The following ESR1 variants were observed in gnomAD, a reference collection of about 807,000 sequenced individuals.
ESR1 encodes the protein estrogen receptor 1.
In ESR1, 12 loss-of-function variants were observed where a neutral mutation model predicts 52.7. The observed-to-expected ratio is 0.23, with a 90% confidence interval of 0.15 to 0.37. The LOEUF is 0.37. ESR1 is among the 10% of genes least tolerant of loss of function. ESR1 has a pLI of 1.00. For synonymous variants in ESR1, 305 were observed against 316.8 expected, an observed-to-expected ratio of 0.96 and a Z score of 0.39; for missense variants, 584 against 779.7, an observed-to-expected ratio of 0.75 and a Z score of 2.99.
intron 5 of ESR1, among the ~76,000 whole-genome samples, chr6:152,031,818 C>T (rs1212954395): frequency 1.3e-5 from 2 of 152,168 alleles, no homozygotes; most frequent in African/African-American, 4.8e-5. Flanking sequence ...GATACCAAAG[C>T]CTGGCAGAGA....
chr6:151,924,511 G>A (rs2032328891), intron 3 of ESR1, among the ~76,000 whole-genome samples: 1 of 151,934 alleles, frequency 6.6e-6, no homozygotes, highest in Admixed American at 6.6e-5. Flanking sequence ...CAGGGGTTTG[G>A]TGTACAGATC....
rs1268600884 is a variant in ESR1 at position 151,756,227 on chromosome 6, T to C, written c.-70-51616T>C. ...CCTCCCCATGTACATTTTACTCCCTTACTAAATTTTTTTTCCTATCTCACT... is the reference window on the plus strand; with the variant it reads ...CCTCCCCATGTACATTTTACTCCCTCACTAAATTTTTTTTCCTATCTCACT... On this transcript the variant is annotated intron_variant, in intron 2 of 2. Transcript: ENST00000404742. Among the ~76,000 whole-genome samples, 2 of 152,104 alleles carry C rather than the reference T, an allele frequency of 1.3e-5. 1 individual carries two copies. The highest frequency in any genetic ancestry group is 2.9e-5 in the Non-Finnish European group (2 of 68,008).
intron 5 of ESR1, among the ~76,000 whole-genome samples, chr6:152,020,736 C>G (rs1261923186): frequency 6.6e-6 from 1 of 152,174 alleles, no homozygotes; most frequent in African/African-American, 2.4e-5. Flanking sequence ...CAGGTGTGAG[C>G]CACCACACCT....
rs35630684 is a variant in ESR1 at position 151,944,523 on chromosome 6, C to T, written c.1096+15C>T. The T allele has an allele frequency of 9.4e-4, 1,517 of 1,611,316 alleles. 13 individuals carry two copies. The African/African-American group carries it at 0.015, about 16-fold the overall frequency. ...GAGGGTGCCAGGTAAGAATGCGAAGCGCAGCTTTTAAGAGTCAATAGCTTT... is the reference window on the plus strand; with the variant it reads ...GAGGGTGCCAGGTAAGAATGCGAAGTGCAGCTTTTAAGAGTCAATAGCTTT... On this transcript the variant is annotated intron_variant, in intron 4 of 7. Coordinates refer to ENST00000206249, the MANE Select transcript of ESR1 (RefSeq NM_000125.4).
intron 3 of ESR1, among the ~76,000 whole-genome samples, chr6:151,893,859 T>A: frequency 6.6e-6 from 1 of 152,188 alleles, no homozygotes; most frequent in East Asian, 1.9e-4. Context: ...ATGGGAACCA[T>A]AAAGGATCTT....
At chr6:151,915,326 G>A (rs995381067) in intron 3 of ESR1, among the ~76,000 whole-genome samples, 1 of 152,104 alleles carries the variant, frequency 6.6e-6, no homozygotes, top group Admixed American at 6.6e-5. Context: ...CTCCATCTAT[G>A]TGTCTCTGTG....
At chr6:151,773,710 C>T (rs553100624) in intron 2 of ESR1, among the ~76,000 whole-genome samples, 24 of 152,330 alleles carry the variant, frequency 1.6e-4, no homozygotes, top group African/African-American at 5.3e-4. Context: ...CTGACATCTT[C>T]TCTTTTTCAC....
intron 3 of ESR1, among the ~76,000 whole-genome samples, chr6:151,899,069 G>GCGGGGGGC (rs1796064510): frequency 6.8e-6 from 1 of 146,818 alleles, no homozygotes; most frequent in African/African-American, 2.5e-5. Context: ...GGCTGGCCGG[G>GCGGGGGGC]TGGGGGGCTG....
intron 2 of ESR1, among the ~76,000 whole-genome samples, chr6:151,726,019 G>A (rs746605550): frequency 2.0e-5 from 3 of 152,168 alleles, no homozygotes; most frequent in Non-Finnish European, 2.9e-5. Context: ...CAAAAATAAA[G>A]AGGTGGAAAA....
rs10624912 is a variant in ESR1 at position 151,736,375 on chromosome 6, G to GTTTTTTTTTTTTTTTTTTTTTT, written c.-71+34385_-71+34386insTTTTTTTTTTTTTTTTTTTTTT. Among the ~76,000 whole-genome samples the GTTTTTTTTTTTTTTTTTTTTTT allele has an allele frequency of 2.1e-3, 236 of 112,668 alleles. 36 individuals carry two copies. Among genetic ancestry groups the GTTTTTTTTTTTTTTTTTTTTTT allele is most frequent in the African/African-American group, 8.5e-3 (223 of 26,126 alleles). The allele number at this position is 112,668 out of a possible 152,430, so 73.9% of individuals were successfully genotyped here. On this transcript the variant is annotated intron_variant, in intron 2 of 2. Coordinates refer to the ESR1 transcript ENST00000404742. Reference sequence around the variant, plus strand: ...AAATACTTACTGTATTCCAGGTAGTGTTTTTTTTTTTTTTTGAGATGGAGT... The same window carrying GTTTTTTTTTTTTTTTTTTTTTT: ...AAATACTTACTGTATTCCAGGTAGTGTTTTTTTTTTTTTTTTTTTTTTTTTTTTTTTTTTTTTGAGATGGAGT...
At chr6:151,970,318 G>A (rs764590087) in intron 4 of ESR1, among the ~76,000 whole-genome samples, 17 of 151,994 alleles carry the variant, frequency 1.1e-4, no homozygotes, top group South Asian at 4.2e-4. Flanking sequence ...TCTTTCTGTC[G>A]TAGCATACAA....
intron 3 of ESR1, among the ~76,000 whole-genome samples, chr6:151,899,133 C>A (rs1451598976): frequency 1.5e-5 from 2 of 136,496 alleles, no homozygotes; most frequent in Non-Finnish European, 3.1e-5. Context: ...GGGCTGACCC[C>A]CCCGCCTCCC....
At chr6:152,129,411 T>C (rs2054695034) in exon 7 of ESR1, 1 of 152,214 alleles carries the variant, frequency 6.6e-6, no homozygotes, top group Non-Finnish European at 1.5e-5. Context: ...AGATGGACTA[T>C]ATAACACAAT....
In ESR1 at chr6:152,069,515, C is replaced by T. The variant is rs754577546; in HGVS notation, c.1369+8391C>T. 5.1e-5 allele frequency among the ~76,000 whole-genome samples: 7 copies of T among 136,370 alleles called. 1 individual carries two copies. Among genetic ancestry groups the T allele is most frequent in the African/African-American group, 9.8e-5 (3 of 30,508 alleles). 89.5% of individuals were successfully genotyped at this position (136,370 alleles called of 152,430 possible). On this transcript the variant is annotated intron_variant, in intron 6 of 7. Coordinates refer to ENST00000206249, the MANE Select transcript of ESR1 (RefSeq NM_000125.4). ...GCTGTCAGAAAGTGAGCTATTGCAG[C>T]GGTCCCCAACCTTTTTGGTACCAGG... is the stretch of plus-strand genomic sequence containing the variant.
chr6:151,881,518 G>T (rs1213966852), intron 3 of ESR1, among the ~76,000 whole-genome samples: 1 of 152,110 alleles, frequency 6.6e-6, no homozygotes, highest in Non-Finnish European at 1.5e-5. Context: ...CATAAATGTG[G>T]TTGCCTGATT....
chr6:151,781,154 A>G (rs1402026525), intron 2 of ESR1, among the ~76,000 whole-genome samples: 1 of 152,248 alleles, frequency 6.6e-6, no homozygotes, highest in African/African-American at 2.4e-5. Flanking sequence ...AAATATATTA[A>G]TTAATTTATC....
At chr6:152,022,172 T>G (rs917273635) in intron 5 of ESR1, among the ~76,000 whole-genome samples, 4 of 152,120 alleles carry the variant, frequency 2.6e-5, no homozygotes, top group African/African-American at 9.7e-5. Flanking sequence ...GGCCTGTGGA[T>G]TGAGCCACCT....
chr6:151,710,983 C>T (rs751262515), intron 2 of ESR1, among the ~76,000 whole-genome samples: 83 of 152,136 alleles, frequency 5.5e-4, no homozygotes, highest in Non-Finnish European at 8.4e-4. Context: ...CAAGTCTTTG[C>T]TATTGTGAAT....
intron 1 of ESR1, among the ~76,000 whole-genome samples, chr6:151,674,076 C>A (rs1390177005): frequency 2.6e-5 from 4 of 151,948 alleles, no homozygotes; most frequent in Non-Finnish European, 5.9e-5. Flanking sequence ...AGGTTTGTTA[C>A]ATAGGTATAC....
Sources: allele counts gnomAD v4.1 joint callset (sites outside exome capture counted in the v4.1 genomes callset), GRCh38; gene constraint gnomAD v4.1.1; transcripts MANE v1.5; gene names NCBI Gene and HGNC (gene_info 2026-07-23, HGNC 2026-07-21).